Variants in MSH5 observed in about 807,000 individuals in gnomAD.
The protein encoded by MSH5 is mutS homolog 5.
Under a neutral mutation model 107.7 loss-of-function variants are expected in MSH5, and 78 were observed. That is an observed-to-expected ratio of 0.72 (90% CI 0.60 to 0.87). The LOEUF is 0.87. Among genes scored for constraint, MSH5 ranks in the 40% least tolerant of loss-of-function variants. MSH5 has a pLI of 0.00. For synonymous variants in MSH5, 326 were observed against 399.5 expected (o/e 0.82, Z 2.19); for missense variants, 889 against 1,046.6 (o/e 0.85, Z 2.08).
chr6:31,740,706 A>G lies in MSH5; in HGVS notation c.147+93A>G, dbSNP rs1281594502. 6 of 1,349,436 alleles carry G rather than the reference A, an allele frequency of 4.4e-6. No homozygotes were observed. The highest frequency in any genetic ancestry group is 5.8e-6 in the Non-Finnish European group (6 of 1,032,484). 83.6% of individuals were successfully genotyped at this position (1,349,436 alleles called of 1,614,324 possible). A position where few individuals can be genotyped will look rare whatever the true frequency, so the allele number is the denominator to read the frequency against. On this transcript the variant is annotated intron_variant, in intron 2 of 24. Transcript: ENST00000375750. This position sits in a 1 kb window ranked among gnomAD's most constrained non-coding sequence, Gnocchi z 4.4. ...CCGGGCGCGGTGGCTCACACCTGTA[A>G]TCTTAGCACTTTGGGAGACTGAGGC...
intron 3 of MSH5, 97 bp from the exon 4 acceptor site, chr6:31,742,780 T>G: frequency 8.6e-7 from 1 of 1,165,348 alleles, no homozygotes; most frequent in Non-Finnish European, 1.3e-6. Context: ...GGAAATGTTT[T>G]TGAGAAGGAG....
chr6:31,753,603 G>A lies in MSH5; in HGVS notation c.988G>A (p.Val330Ile), dbSNP rs1352217266. The A allele has an allele frequency of 3.1e-6, 5 of 1,614,046 alleles. No homozygotes were observed. In the South Asian group the frequency reaches 3.3e-5, roughly 11 times the overall value. The change falls in exon 12 of 25, where the codon GTC becomes ATC. Residue 330 changes from valine to isoleucine, a missense_variant. Physicochemically the swap from Val to Ile is conservative, Grantham distance 29. Around this residue, in one of 3 missense-constraint regions of MSH5, gnomAD observed 518 missense variants for 565.0 expected, o/e 0.92. Coordinates refer to ENST00000375750, the MANE Select transcript of MSH5 (RefSeq NM_172166.4). ...LKRMKLSHTK[V>I]SDWQVLYKTV... ...ACGCATGAAGTTGTCCCACACCAAG[G>A]TCAGCGACTGGCAGGTTCTCTACAA...
intron 10 of MSH5, among the ~76,000 whole-genome samples, chr6:31,749,818 A>G (rs1417664981): frequency 6.6e-6 from 1 of 152,184 alleles, no homozygotes; most frequent in South Asian, 2.1e-4. Context: ...ACACAACGCA[A>G]ATGTAAACGC....
intron 3 of MSH5, among the ~76,000 whole-genome samples, chr6:31,741,881 C>T (rs1463446042): frequency 6.6e-6 from 1 of 152,074 alleles, no homozygotes; most frequent in African/African-American, 2.4e-5. Context: ...GAAGGGAAGG[C>T]AGGGTGTGTA....
At chr6:31,745,668 G>A (rs1255882591) in intron 9 of MSH5, among the ~76,000 whole-genome samples, 1 of 151,424 alleles carries the variant, frequency 6.6e-6, no homozygotes, top group East Asian at 1.9e-4. Flanking sequence ...TATTTGATTT[G>A]TATAGAGTCT....
chr6:31,752,575 C>T (rs1415543728), intron 10 of MSH5, among the ~76,000 whole-genome samples: 1 of 151,824 alleles, frequency 6.6e-6, no homozygotes, highest in Non-Finnish European at 1.5e-5. Flanking sequence ...CAACAATTAG[C>T]TGGGCATGGT....
chr6:31,758,780 A>G lies in MSH5; in HGVS notation c.1231A>G (p.Met411Val). The G allele has an allele frequency of 6.2e-7, 1 of 1,614,180 alleles. No individual in the cohort carries two copies. Among genetic ancestry groups the G allele is most frequent in the Non-Finnish European group, 8.5e-7 (1 of 1,180,034 alleles). ...CACCCTCGTAGAAAAGCGAAGACTGATGGGACTTCCCAGTTTCCTTACTGA... is the reference window on the plus strand; with the variant it reads ...CACCCTCGTAGAAAAGCGAAGACTGGTGGGACTTCCCAGTTTCCTTACTGA... ...PEIDEKKRRL[M>V]GLPSFLTEVA... is the part of the protein sequence containing the mutation. The change falls in exon 15 of 25, where the codon ATG becomes GTG. Residue 411 changes from methionine to valine, a missense_variant. By Grantham distance (21) the Met-to-Val change is conservative. Coordinates refer to ENST00000375750, the MANE Select transcript of MSH5 (RefSeq NM_172166.4). This position sits in a 1 kb window ranked among gnomAD's most constrained non-coding sequence, Gnocchi z 5.1.
Position 31,760,154 on chromosome 6 carries a change from A to G in MSH5, c.1750A>G (p.Lys584Glu). ...VPNSTECGGD[K>E]GRVKVITGPN... ...CAACTCCACAGAATGTGGTGGGGAC[A>G]AAGGGAGGGTCAAAGTCATCACTGG... Residue 584 changes from lysine (K) to glutamate (E), a missense_variant, in exon 19 of 25, where the codon AAA becomes GAA. By Grantham distance (56) the Lys-to-Glu change is moderately conservative (BLOSUM62 1). Transcript: ENST00000375750. The surrounding 1 kb of genome is among the most constrained non-coding windows in gnomAD (Gnocchi z 5.6). The G allele has an allele frequency of 8.1e-6, 13 of 1,611,870 alleles. No homozygotes were observed. The highest frequency in any genetic ancestry group is 1.1e-5 in the Non-Finnish European group (13 of 1,178,906).
chr6:31,761,322 G>T lies in MSH5; in HGVS notation c.2037+60G>T, dbSNP rs1402952466. The T allele has an allele frequency of 8.7e-6, 14 of 1,606,372 alleles. No individual in the cohort carries two copies. The highest frequency in any genetic ancestry group is 1.2e-5 in the Non-Finnish European group (14 of 1,174,750). On this transcript the variant is annotated intron_variant, in intron 21 of 24. Transcript: ENST00000375750. The surrounding 1 kb of genome is among the most constrained non-coding windows in gnomAD (Gnocchi z 5.3). ...GAGGGGAAAATGGAGGAGGATGAAG[G>T]AGCATGACAGTGAGGCTGGGCCTCT...
At chr6:31,743,867 T>A in intron 5 of MSH5, 37 bp from the exon 6 acceptor site, 1 of 1,608,170 alleles carries the variant, frequency 6.2e-7, no homozygotes, top group Non-Finnish European at 8.5e-7. Context: ...AAAATTGAGC[T>A]ACAAGACCGT....
At position 31,753,437 on chromosome 6, in the gene MSH5, C is replaced by T. The variant is rs755163320; in HGVS notation, c.949C>T (p.Pro317Ser). ...HRLLGHIKNV[P>S]LILKRMKLSH... The stretch of plus-strand genomic sequence containing the variant: ...GCTCCTGGGTCACATCAAGAACGTG[C>T]CTGTGAGCCCAGGGTGGAGGGCAGG... Residue 317 changes from proline (P) to serine (S), a missense_variant and splice_region_variant, in exon 11 of 25, where the codon CCT becomes TCT. This residue lies in a region of MSH5 where 518 missense variants were observed against 565.0 expected (regional missense o/e 0.92). Coordinates refer to ENST00000375750, the MANE Select transcript of MSH5 (RefSeq NM_172166.4). 14 of 1,613,440 alleles carry T rather than the reference C, an allele frequency of 8.7e-6. No individual in the cohort carries two copies. Among genetic ancestry groups the T allele is most frequent in the South Asian group, 6.6e-5 (6 of 91,074 alleles).
At chr6:31,745,691 T>C (rs1809370963) in intron 9 of MSH5, among the ~76,000 whole-genome samples, 1 of 152,166 alleles carries the variant, frequency 6.6e-6, no homozygotes, top group Admixed American at 6.6e-5. Context: ...ATCAGTTGTC[T>C]CTGGCTTTAG....
Position 31,759,129 on chromosome 6 carries a change from T to A in MSH5, c.1359T>A (p.Pro453=). The A allele has an allele frequency of 6.2e-7, 1 of 1,613,030 alleles. No homozygotes were observed. Among genetic ancestry groups the A allele is most frequent in the Non-Finnish European group, 8.5e-7 (1 of 1,180,016 alleles). The change falls in exon 16 of 25, where the codon CCT becomes CCA. Residue 453 remains proline, a synonymous_variant. Transcript: ENST00000375750. The surrounding 1 kb of genome is among the most constrained non-coding windows in gnomAD (Gnocchi z 4.7). ...IGFLLSIPRL[P]SMVEASDFEI... The stretch of plus-strand genomic sequence containing the variant: ...TCCTTCTTTCTATTCCCCGCCTGCC[T>A]TCCATGGTAGAGGCCAGTGACTTTG...
Position 31,758,913 on chromosome 6 carries a change from T to G in MSH5, c.1326+38T>G. 6 of 1,557,846 alleles carry G rather than the reference T, an allele frequency of 3.9e-6. No homozygotes were observed. The highest frequency in any genetic ancestry group is 5.3e-6 in the Non-Finnish European group (6 of 1,129,186). ...GAGTGGGTGTAGCCTTCAGATGTCT[T>G]TTGGGGGAGATATTAGGCTTATGAA... On this transcript the variant is annotated intron_variant, in intron 15 of 24. Transcript: ENST00000375750. This position sits in a 1 kb window ranked among gnomAD's most constrained non-coding sequence, Gnocchi z 5.1.
intron 12 of MSH5, chr6:31,757,621 T>G (rs568889310): frequency 2.8e-4 from 43 of 154,640 alleles, no homozygotes; most frequent in Non-Finnish European, 4.6e-4. Flanking sequence ...CATGTATTTC[T>G]GTCTTCCTTC....
In MSH5 at chr6:31,742,910, C is replaced by T. The variant is rs767743499; in HGVS notation, c.305C>T (p.Thr102Met). The change falls in exon 4 of 25, where the codon ACG becomes ATG. Residue 102 changes from threonine to methionine, a missense_variant. Thr to Met is a moderately conservative substitution (Grantham distance 81). Transcript: ENST00000375750. ...GAGATCAATCCCCAGTCTGTTGTTA[C>T]GAGTGCCAAACAGGATGAGAATATG... ...LDEINPQSVV[T>M]SAKQDENMTR... 3.1e-6 allele frequency: 5 copies of T among 1,612,816 alleles called. No individual in the cohort carries two copies. The African/African-American group carries it at 4.0e-5, about 13-fold the overall frequency.
chr6:31,759,739 C>T lies in MSH5; in HGVS notation c.1496-47C>T. The stretch of plus-strand genomic sequence containing the variant: ...CCTAGGGGCCTCTGCCTCTCCTTCA[C>T]TTTCCCCTGGAACTGACCTCCAGCT... On this transcript the variant is annotated intron_variant, in intron 17 of 24. Transcript: ENST00000375750. This position sits in a 1 kb window ranked among gnomAD's most constrained non-coding sequence, Gnocchi z 4.7. 1 of 1,598,294 alleles carries T rather than the reference C, an allele frequency of 6.3e-7. No individual in the cohort carries two copies. The highest frequency in any genetic ancestry group is 8.5e-7 in the Non-Finnish European group (1 of 1,173,280).
chr6:31,761,751 A>G lies in MSH5; in HGVS notation c.2182-67A>G. 1 of 1,592,960 alleles carries G rather than the reference A, an allele frequency of 6.3e-7. No homozygotes were observed. ...CTTCCCTTTTCTCCCTCCCCACAGG[A>G]TTGGCCAAGGGTTTCAGGACAGGAA... On this transcript the variant is annotated intron_variant, in intron 22 of 24. Transcript: ENST00000375750. The surrounding 1 kb of genome is among the most constrained non-coding windows in gnomAD (Gnocchi z 5.3).
At chr6:31,755,528 A>G (rs1810376484) in intron 12 of MSH5, among the ~76,000 whole-genome samples, 1 of 151,854 alleles carries the variant, frequency 6.6e-6, no homozygotes, top group South Asian at 2.1e-4. Flanking sequence ...ACGCCCAGCT[A>G]ATTTTGTATT....
Sources: gnomAD v4.1 joint callset for allele counts (sites outside exome capture counted in the v4.1 genomes callset) on GRCh38, gnomAD v4.1.1 for gene constraint, gnomAD v4.1.1 regional missense constraint, Gnocchi (gnomAD v3.1) non-coding constraint, MANE v1.5 for transcripts, NCBI Gene and HGNC (gene_info 2026-07-23, HGNC 2026-07-21) for gene names.